The following XPO4 variants were observed in gnomAD, a reference collection of about 807,000 sequenced individuals.
The protein encoded by XPO4 is exportin 4, also known as exportin-4.
A neutral mutation model predicts 143.0 loss-of-function variants in XPO4; 39 were observed. The observed-to-expected ratio is 0.27, with a 90% CI of 0.21 to 0.36. XPO4 has a LOEUF of 0.36. Ranked by LOEUF, XPO4 falls within the 10% of genes least tolerant of loss-of-function variation. The pLI is 1.00. For synonymous variants in XPO4, 439 were observed against 474.0 expected (o/e 0.93, Z 0.96); for missense variants, 907 against 1,348.0 (o/e 0.67, Z 5.12).
chr13:20,845,482 CAAGAAA>C lies in XPO4; in HGVS notation c.457-1602_457-1597del, dbSNP rs1187810033. Among the ~76,000 whole-genome samples the C allele has an allele frequency of 7.9e-5, 12 of 152,246 alleles. No individual in the cohort carries two copies. In the East Asian group the frequency reaches 1.9e-3, roughly 24 times the overall value. On this transcript the variant is annotated intron_variant, in intron 4 of 22. Coordinates refer to ENST00000255305, the MANE Select transcript of XPO4 (RefSeq NM_022459.5). ...AAATGTCCCTTCCTCCCAAAATCTTCAAGAAACCCATTTAACTGCCTTTGTATGGCC... is the reference window on the plus strand; with the variant it reads ...AAATGTCCCTTCCTCCCAAAATCTTCCCCATTTAACTGCCTTTGTATGGCC...
At chr13:20,788,759 C>A in intron 19 of XPO4, 143 bp from the exon 20 acceptor site, 1 of 806,958 alleles carries the variant, frequency 1.2e-6, no homozygotes, top group East Asian at 3.2e-5. Flanking sequence ...AACATGAAGA[C>A]CAAATTAAAT....
intron 14 of XPO4, 91 bp downstream of exon 14, chr13:20,800,739 AT>A: frequency 6.7e-7 from 1 of 1,492,722 alleles, no homozygotes. Flanking sequence ...AAACAGTTCT[AT>A]TTTGATGAAA....
intron 4 of XPO4, among the ~76,000 whole-genome samples, chr13:20,844,593 A>C (rs555972610): frequency 2.6e-5 from 4 of 152,304 alleles, no homozygotes; most frequent in Non-Finnish European, 5.9e-5. Flanking sequence ...TGAACAACCG[A>C]AAGATTAAAG....
At chr13:20,875,023 C>G (rs996868761) in intron 1 of XPO4, among the ~76,000 whole-genome samples, 9 of 151,958 alleles carry the variant, frequency 5.9e-5, no homozygotes, top group African/African-American at 2.2e-4. Context: ...TTATAAATTA[C>G]CCAGTTTGTA....
At chr13:20,885,149 C>T (rs1166152177) in intron 1 of XPO4, among the ~76,000 whole-genome samples, 4 of 152,086 alleles carry the variant, frequency 2.6e-5, no homozygotes, top group African/African-American at 4.8e-5. Context: ...GGGGTTTCTC[C>T]GTATTGGTCA....
At chr13:20,901,422 A>G (rs1429196321) in intron 1 of XPO4, among the ~76,000 whole-genome samples, 1 of 152,174 alleles carries the variant, frequency 6.6e-6, no homozygotes, top group Non-Finnish European at 1.5e-5. Context: ...GCTCCTAGGA[A>G]AATTTCAGGA....
chr13:20,840,396 T>C (rs985362731), intron 6 of XPO4, among the ~76,000 whole-genome samples: 1 of 151,854 alleles, frequency 6.6e-6, no homozygotes, highest in Admixed American at 6.6e-5. Flanking sequence ...TTTGTAGAGA[T>C]AGGGTTGTGC....
chr13:20,804,242 T>C (rs2059474380), intron 13 of XPO4, among the ~76,000 whole-genome samples: 1 of 150,688 alleles, frequency 6.6e-6, no homozygotes, highest in Non-Finnish European at 1.5e-5. Flanking sequence ...ACATTATATA[T>C]ATATATACAC....
intron 9 of XPO4, among the ~76,000 whole-genome samples, chr13:20,819,989 C>A (rs1158733442): frequency 6.6e-6 from 1 of 152,120 alleles, no homozygotes; most frequent in East Asian, 1.9e-4. Context: ...CTGGTTTCTA[C>A]GACTAATGCA....
rs1024650006 is a variant in XPO4, at chr13:20,778,631, T to G, written c.*5091A>C. 6.6e-6 allele frequency: 1 copy of G among 152,160 alleles called. No individual in the cohort carries two copies. Among genetic ancestry groups the G allele is most frequent in the African/African-American group, 2.4e-5 (1 of 41,444 alleles). The allele number at this position is 152,160 out of a possible 1,614,324, so 9.4% of individuals were successfully genotyped here. ...AAATATTATAAAATATAGACAAAATTTTTATATTTCTAATACTGGATATTC... is the reference window on the plus strand; with the variant it reads ...AAATATTATAAAATATAGACAAAATGTTTATATTTCTAATACTGGATATTC... On this transcript the variant is annotated 3_prime_UTR_variant, in exon 23 of 23. Transcript: ENST00000255305.
chr13:20,840,196 C>CCTTTT (rs1443313299), intron 6 of XPO4, among the ~76,000 whole-genome samples: 1 of 150,724 alleles, frequency 6.6e-6, no homozygotes, highest in Non-Finnish European at 1.5e-5. Flanking sequence ...AGACAAATCA[C>CCTTTT]CTTTTATTTT....
intron 6 of XPO4, among the ~76,000 whole-genome samples, chr13:20,827,772 A>T (rs1051135028): frequency 6.6e-6 from 1 of 152,240 alleles, no homozygotes; most frequent in Non-Finnish European, 1.5e-5. Flanking sequence ...ATAGATGCTT[A>T]TTTAAAATTC....
chr13:20,831,870 G>GTT (rs1299008357), intron 6 of XPO4, among the ~76,000 whole-genome samples: 2 of 146,332 alleles, frequency 1.4e-5, no homozygotes, highest in Admixed American at 1.4e-4. Context: ...CTTAGCAAGG[G>GTT]TTCCGGCAAG....
intron 16 of XPO4, among the ~76,000 whole-genome samples, chr13:20,797,594 T>C (rs1236451844): frequency 6.6e-6 from 1 of 151,928 alleles, no homozygotes; most frequent in Admixed American, 6.5e-5. Context: ...TACAATTGTT[T>C]AAAATAAAAA....
At chr13:20,854,441 T>C (rs775566570) in intron 4 of XPO4, among the ~76,000 whole-genome samples, 4 of 152,190 alleles carry the variant, frequency 2.6e-5, no homozygotes, top group Non-Finnish European at 4.4e-5. Context: ...ACTACATCGT[T>C]AAAATCACAT....
rs199558546 is a variant in XPO4 at position 20,858,899 on chromosome 13, A to AATAT, written c.318-3138_318-3135dup. 2.2e-4 allele frequency among the ~76,000 whole-genome samples: 19 copies of AATAT among 84,790 alleles called. 1 individual carries two copies. Among genetic ancestry groups the AATAT allele is most frequent in the South Asian group, 1.5e-3 (3 of 2,000 alleles). 55.6% of individuals were successfully genotyped at this position (84,790 alleles called of 152,430 possible). ...AAAAAACAAAAAAAGAAAAAATTAA[A>AATAT]ATATATATATATATGTGTGTGTGTA... On this transcript the variant is annotated intron_variant, in intron 3 of 22. Transcript: ENST00000255305.
At chr13:20,860,111 T>C (rs557634777) in intron 3 of XPO4, among the ~76,000 whole-genome samples, 75 of 152,254 alleles carry the variant, frequency 4.9e-4, no homozygotes, top group Non-Finnish European at 1.0e-3. Context: ...CTCAGAACAA[T>C]CTCATCTAAT....
chr13:20,819,864 G>C (rs372104091), intron 9 of XPO4, among the ~76,000 whole-genome samples: 27 of 152,232 alleles, frequency 1.8e-4, no homozygotes, highest in African/African-American at 6.0e-4. Flanking sequence ...CCAGCATACA[G>C]AAGATACAAC....
intron 3 of XPO4, chr13:20,856,755 A>C: frequency 1.2e-6 from 1 of 820,058 alleles, no homozygotes; most frequent in Non-Finnish European, 1.5e-6. Context: ...ACACACGCAC[A>C]ACTGCAGACA....
Sources: gnomAD v4.1 joint callset for allele counts (sites outside exome capture counted in the v4.1 genomes callset) on GRCh38, gnomAD v4.1.1 for gene constraint, MANE v1.5 for transcripts, NCBI Gene and HGNC (gene_info 2026-07-23, HGNC 2026-07-21) for gene names.